RPS6KA4: variants seen among roughly 807,000 people sequenced by gnomAD.
RPS6KA4 encodes ribosomal protein S6 kinase alpha-4.
Under a neutral mutation model 89.6 loss-of-function variants are expected in RPS6KA4, and 38 were observed. The ratio of observed to expected loss-of-function variants is 0.42; its 90% CI spans 0.33 to 0.56. The LOEUF is 0.56. Ranked by LOEUF, RPS6KA4 falls within the 20% of genes least tolerant of loss-of-function variation. The pLI is 0.07. For missense variants in RPS6KA4, 873 were observed against 1,098.8 expected, an observed-to-expected ratio of 0.79 and a Z score of 2.90; for synonymous variants, 495 against 492.8, an observed-to-expected ratio of 1.00 and a Z score of -0.06.
At chr11:64,365,523 CA>C in intron 9 of RPS6KA4, 58 bp downstream of exon 9, 1 of 1,595,882 alleles carries the variant, frequency 6.3e-7, no homozygotes, top group Admixed American at 1.7e-5. Context: ...CTGTCTGCCT[CA>C]GCCCTGGCTG....
chr11:64,370,812 A>C lies in RPS6KA4; in HGVS notation c.2121+86A>C, dbSNP rs928920390. 14 of 1,424,312 alleles carry C rather than the reference A, an allele frequency of 9.8e-6. No individual in the cohort carries two copies. Among genetic ancestry groups the C allele is most frequent in the Non-Finnish European group, 1.2e-5 (13 of 1,085,858 alleles). 88.2% of individuals were successfully genotyped at this position (1,424,312 alleles called of 1,614,324 possible). A position where few individuals can be genotyped will look rare whatever the true frequency, so the allele number is the denominator to read the frequency against. On this transcript the variant is annotated intron_variant, in intron 16 of 16. Coordinates refer to ENST00000334205, the MANE Select transcript of RPS6KA4 (RefSeq NM_003942.3). This position sits in a 1 kb window ranked among gnomAD's most constrained non-coding sequence, Gnocchi z 4.1. Reference sequence around the variant, plus strand: ...GGAGGCCCGGCCATCGGAGCACAGAAAGGCGAGGTGAGGCCGGGCGCGGTG... The same window carrying C: ...GGAGGCCCGGCCATCGGAGCACAGACAGGCGAGGTGAGGCCGGGCGCGGTG...
chr11:64,364,194 G>T, intron 8 of RPS6KA4, among the ~76,000 whole-genome samples: 1 of 149,352 alleles, frequency 6.7e-6, no homozygotes. Flanking sequence ...TTCTATCCCT[G>T]GGGTTGCTTC....
rs1369401983 is a variant in RPS6KA4, at chr11:64,369,639, G to A, written c.1602+20G>A. ...CCGGAGGTGGGCGAGCTGCCTCGGC[G>A]GCGGGGCGGAGCGGTGGCGCCGGGG... On this transcript the variant is annotated intron_variant, in intron 13 of 16. Transcript: ENST00000334205. 2.5e-6 allele frequency: 4 copies of A among 1,601,686 alleles called. No individual in the cohort carries two copies. The highest frequency in any genetic ancestry group is 3.4e-5 in the Admixed American group (2 of 59,104).
Position 64,370,642 on chromosome 11 carries a change from G to T in RPS6KA4, c.2037G>T (p.Ala679=). 1 of 1,573,478 alleles carries T rather than the reference G, an allele frequency of 6.4e-7. No homozygotes were observed. The highest frequency in any genetic ancestry group is 8.6e-7 in the Non-Finnish European group (1 of 1,166,806). The part of the protein sequence containing the change: ...RGSSWLQDGS[A]RSSPPLRTPD... ...GCTCGTGGCTGCAGGACGGCAGCGC[G>T]CGCTCCTCGCCCCCGCTCCGGACGC... Residue 679 remains alanine (A), a synonymous_variant, in exon 16 of 17, where the codon GCG becomes GCT. Transcript: ENST00000334205. This position sits in a 1 kb window ranked among gnomAD's most constrained non-coding sequence, Gnocchi z 4.1.
Position 64,371,646 on chromosome 11 carries a change from A to AT in RPS6KA4, c.*172dup. 1 of 519,284 alleles carries AT rather than the reference A, an allele frequency of 1.9e-6. No homozygotes were observed. The allele number at this position is 519,284 out of a possible 1,614,324, so 32.2% of individuals were successfully genotyped here. A position where few individuals can be genotyped will look rare whatever the true frequency, so the allele number is the denominator to read the frequency against. On this transcript the variant is annotated 3_prime_UTR_variant, in exon 17 of 17. Transcript: ENST00000334205. ...GCAGAAGTATTTTTATAAGCAGAGA[A>AT]TTTTTTATGTCTTACCAGATAGAGT...
At chr11:64,359,702 G>A (rs1213907225) in intron 2 of RPS6KA4, 8 of 562,968 alleles carry the variant, frequency 1.4e-5, no homozygotes, top group East Asian at 3.0e-5. Flanking sequence ...CCTGGGGAGG[G>A]GGACTGGCGC....
intron 9 of RPS6KA4, among the ~76,000 whole-genome samples, chr11:64,366,319 C>T (rs1422740705): frequency 1.3e-5 from 2 of 152,166 alleles, no homozygotes; most frequent in Non-Finnish European, 2.9e-5. Flanking sequence ...TACAGGCGTG[C>T]GCCACCACAC....
Position 64,370,331 on chromosome 11 carries a change from T to C in RPS6KA4, c.1904T>C (p.Leu635Pro). The stretch of plus-strand genomic sequence containing the variant: ...AAAATCCGCGAGGGGCGCTTCTCCC[T>C]TGACGGGGAGGCCTGGCAGGGTGTA... The part of the protein sequence containing the change: ...MCKIREGRFS[L>P]DGEAWQGVSE... Residue 635 changes from leucine (L) to proline (P), a missense_variant, in exon 15 of 17, where the codon CTT (leucine) becomes CCT (proline). Around this residue, in one of 4 missense-constraint regions of RPS6KA4, gnomAD observed 278 missense variants for 284.8 expected, o/e 0.98. Coordinates refer to ENST00000334205, the MANE Select transcript of RPS6KA4 (RefSeq NM_003942.3). This position sits in a 1 kb window ranked among gnomAD's most constrained non-coding sequence, Gnocchi z 4.1. 6.2e-7 allele frequency: 1 copy of C among 1,603,372 alleles called. No individual in the cohort carries two copies. The highest frequency in any genetic ancestry group is 8.5e-7 in the Non-Finnish European group (1 of 1,176,976).
intron 2 of RPS6KA4, chr11:64,359,766 T>G: frequency 1.9e-6 from 1 of 529,968 alleles, no homozygotes; most frequent in Non-Finnish European, 3.4e-6. Flanking sequence ...GGGATCCCCC[T>G]CCCACATTTT....
rs1169689830 is a variant in RPS6KA4 at position 64,370,301 on chromosome 11, T to C, written c.1874T>C (p.Met625Thr). 6.3e-7 allele frequency: 1 copy of C among 1,591,298 alleles called. No individual in the cohort carries two copies. The highest frequency in any genetic ancestry group is 8.5e-7 in the Non-Finnish European group (1 of 1,173,882). Reference protein sequence around the residue: ...QGGQSQAAEIMCKIREGRFSL... With the variant: ...QGGQSQAAEITCKIREGRFSL... ...GGGCAGAGCCAGGCGGCCGAGATCA[T>C]GTGCAAAATCCGCGAGGGGCGCTTC... Residue 625 changes from methionine (M) to threonine (T), a missense_variant, in exon 15 of 17, where the codon ATG becomes ACG. Transcript: ENST00000334205. This position sits in a 1 kb window ranked among gnomAD's most constrained non-coding sequence, Gnocchi z 4.1.
Position 64,371,603 on chromosome 11 carries a change from A to C in RPS6KA4, c.*123A>C. 1.7e-6 allele frequency: 1 copy of C among 572,010 alleles called. No individual in the cohort carries two copies. The highest frequency in any genetic ancestry group is 2.9e-5 in the East Asian group (1 of 33,948). The allele number at this position is 572,010 out of a possible 1,614,324, so 35.4% of individuals were successfully genotyped here. A position where few individuals can be genotyped will look rare whatever the true frequency, so the allele number is the denominator to read the frequency against. ...GGACTGTCCTTTCCTCTCCTACCCC[A>C]CCCCACTCCCAGACAGAGCAGAAGT... On this transcript the variant is annotated 3_prime_UTR_variant, in exon 17 of 17. Transcript: ENST00000334205.
intron 9 of RPS6KA4, among the ~76,000 whole-genome samples, chr11:64,367,842 T>C (rs2036926120): frequency 6.6e-6 from 1 of 152,194 alleles, no homozygotes; most frequent in Admixed American, 6.5e-5. Flanking sequence ...AATATATTCA[T>C]TGGTCCTTTC....
Position 64,369,830 on chromosome 11 carries a change from C to T in RPS6KA4, c.1734C>T (p.Pro578=), listed in dbSNP as rs1158438254. The change falls in exon 14 of 17, where the codon CCC becomes CCT. Residue 578 remains proline (P), a synonymous_variant. Coordinates refer to ENST00000334205, the MANE Select transcript of RPS6KA4 (RefSeq NM_003942.3). ...TPCFTLQYAA[P]ELLAQQGYDE... ...GCTTCACGCTGCAGTACGCTGCCCC[C>T]GAGCTGCTGGCGCAGCAGGGCTACG... The T allele has an allele frequency of 1.3e-6, 2 of 1,592,736 alleles. No homozygotes were observed. The highest frequency in any genetic ancestry group is 2.3e-5 in the East Asian group (1 of 43,556).
chr11:64,361,288 C>T lies in RPS6KA4; in HGVS notation c.570+47C>T. 1.9e-6 allele frequency: 3 copies of T among 1,548,554 alleles called. No individual in the cohort carries two copies. Among genetic ancestry groups the T allele is most frequent in the Non-Finnish European group, 2.7e-6 (3 of 1,123,970 alleles). ...CTGCAGTGCCCCATTCAATCCTTCTCCTTCCTGCCTCTTCCTGCTCTGGGC... is the reference window on the plus strand; with the variant it reads ...CTGCAGTGCCCCATTCAATCCTTCTTCTTCCTGCCTCTTCCTGCTCTGGGC... On this transcript the variant is annotated intron_variant, in intron 5 of 16. Transcript: ENST00000334205. The surrounding 1 kb of genome is among the most constrained non-coding windows in gnomAD (Gnocchi z 4.7).
intron 8 of RPS6KA4, among the ~76,000 whole-genome samples, chr11:64,363,647 A>ATGGC (rs1187335337): frequency 6.6e-6 from 1 of 151,750 alleles, no homozygotes; most frequent in Non-Finnish European, 1.5e-5. Context: ...GCGCACCATC[A>ATGGC]TGGCCAGCTT....
Position 64,369,589 on chromosome 11 carries a change from G to C in RPS6KA4, c.1572G>C (p.Ala524=). The C allele has an allele frequency of 6.2e-7, 1 of 1,605,308 alleles. No homozygotes were observed. Among genetic ancestry groups the C allele is most frequent in the Non-Finnish European group, 8.5e-7 (1 of 1,176,452 alleles). ...CCGTGAGCTTCATGCACGAGGAGGC[G>C]GGCGTGGTGCACCGCGACCTCAAGC... ...VSAVSFMHEE[A]GVVHRDLKPE... is the part of the protein sequence containing the mutation. Residue 524 remains alanine (A), a synonymous_variant, in exon 13 of 17, where the codon GCG becomes GCC. Transcript: ENST00000334205.
At position 64,361,966 on chromosome 11, in the gene RPS6KA4, G is replaced by A; in HGVS notation, c.870G>A (p.Gln290=). 6 of 1,610,664 alleles carry A rather than the reference G, an allele frequency of 3.7e-6. No individual in the cohort carries two copies. The highest frequency in any genetic ancestry group is 5.1e-6 in the Non-Finnish European group (6 of 1,179,024). The change falls in exon 8 of 17, where the codon CAG becomes CAA. Residue 290 remains glutamine, a synonymous_variant. Transcript: ENST00000334205. The surrounding 1 kb of genome is among the most constrained non-coding windows in gnomAD (Gnocchi z 4.7). ...DPKKRLGAGP[Q]GAQEVRNHPF... Reference sequence around the variant, plus strand: ...AGAAGCGATTGGGCGCGGGGCCCCAGGGGGCACAAGAAGTCCGGAACCATC... The same window carrying A: ...AGAAGCGATTGGGCGCGGGGCCCCAAGGGGCACAAGAAGTCCGGAACCATC...
chr11:64,366,962 A>G (rs1212542514), intron 9 of RPS6KA4, among the ~76,000 whole-genome samples: 1 of 152,164 alleles, frequency 6.6e-6, no homozygotes, highest in Non-Finnish European at 1.5e-5. Flanking sequence ...TCCACATTCC[A>G]TTCCATTGTC....
At chr11:64,364,427 G>A (rs1020615007) in intron 8 of RPS6KA4, among the ~76,000 whole-genome samples, 3 of 152,236 alleles carry the variant, frequency 2.0e-5, no homozygotes, top group East Asian at 1.9e-4. Context: ...ATATTGGTTC[G>A]TGGAATAAAA....
Sources: gnomAD v4.1 joint callset for allele counts (sites outside exome capture counted in the v4.1 genomes callset) on GRCh38, gnomAD v4.1.1 for gene constraint, gnomAD v4.1.1 regional missense constraint, Gnocchi (gnomAD v3.1) non-coding constraint, MANE v1.5 for transcripts, NCBI Gene and HGNC (gene_info 2026-07-23, HGNC 2026-07-21) for gene names.